Variants in SEL1L3 observed in about 807,000 individuals in gnomAD.
SEL1L3 encodes protein sel-1 homolog 3.
Under a neutral mutation model 142.8 loss-of-function variants are expected in SEL1L3, and 76 were observed. The observed-to-expected ratio is 0.53, with a 90% CI of 0.44 to 0.64. The LOEUF (loss-of-function observed/expected upper bound fraction) is 0.64, where lower values mean the gene tolerates loss of function less well. SEL1L3 is among the 30% of genes least tolerant of loss of function. SEL1L3 has a pLI of 0.00. For missense variants in SEL1L3, 1,262 were observed against 1,381.7 expected (o/e 0.91, Z 1.37); for synonymous variants, 504 against 519.6 (o/e 0.97, Z 0.41).
At position 25,793,256 on chromosome 4, in the gene SEL1L3, C is replaced by T. The variant is rs147541660; in HGVS notation, c.1957-2682G>A. On this transcript the variant is annotated intron_variant, in intron 11 of 23. Transcript: ENST00000399878. ...AAGTACTCATGTATCTGGGTGGTGA[C>T]GTAAATGGTGACTGTGAAGAGGAAA... is the stretch of plus-strand genomic sequence containing the variant. Among the ~76,000 whole-genome samples, 1,118 of 152,142 alleles carry T rather than the reference C, an allele frequency of 7.3e-3. 8 individuals carry two copies. Among genetic ancestry groups the T allele is most frequent in the Middle Eastern group, 0.051 (15 of 294 alleles).
chr4:25,763,605 T>C (rs1162694819), intron 20 of SEL1L3, among the ~76,000 whole-genome samples: 1 of 152,118 alleles, frequency 6.6e-6, no homozygotes, highest in Non-Finnish European at 1.5e-5. Context: ...CCCAGCACCT[T>C]GGGAGGCCAA....
At chr4:25,752,980 T>C (rs762966160) in intron 23 of SEL1L3, among the ~76,000 whole-genome samples, 2 of 152,236 alleles carry the variant, frequency 1.3e-5, no homozygotes, top group South Asian at 2.1e-4. Context: ...CAACAGGCAG[T>C]GGATGTACTA....
chr4:25,788,642 G>A lies in SEL1L3; in HGVS notation c.2077-278C>T, dbSNP rs953453559. Among the ~76,000 whole-genome samples, 1 of 150,974 alleles carries A rather than the reference G, an allele frequency of 6.6e-6. No individual in the cohort carries two copies. Among genetic ancestry groups the A allele is most frequent in the East Asian group, 2.0e-4 (1 of 5,110 alleles). On this transcript the variant is annotated intron_variant, in intron 12 of 23. Coordinates refer to ENST00000399878, the MANE Select transcript of SEL1L3 (RefSeq NM_015187.5). This position sits in a 1 kb window ranked among gnomAD's most constrained non-coding sequence, Gnocchi z 5.3. The stretch of plus-strand genomic sequence containing the variant: ...TGTGTATCTACTGTACCCAGGACCA[G>A]GGCTAGCTGGAACTTCGTCAATAAT...
chr4:25,801,772 G>A (rs1713197628), intron 11 of SEL1L3, among the ~76,000 whole-genome samples: 2 of 152,134 alleles, frequency 1.3e-5, no homozygotes, highest in Admixed American at 1.3e-4. Context: ...CAAGGCTCAT[G>A]GCATGGGGAC....
intron 11 of SEL1L3, among the ~76,000 whole-genome samples, chr4:25,797,893 G>A (rs559907446): frequency 3.3e-4 from 50 of 152,336 alleles, no homozygotes; most frequent in African/African-American, 1.1e-3. Flanking sequence ...AGCAATGGGA[G>A]AGATGTGCCT....
chr4:25,763,996 A>C (rs28705207), intron 20 of SEL1L3, among the ~76,000 whole-genome samples: 1 of 152,226 alleles, frequency 6.6e-6, no homozygotes, highest in Non-Finnish European at 1.5e-5. Context: ...CATGAAAATG[A>C]TTCTGAGGTT....
In SEL1L3 at chr4:25,757,547, GA is replaced by G; in HGVS notation, c.3245del (p.Phe1082SerfsTer29). ...ATAAATCTTTACCTGAGACAGACTG[GA>G]AATACTGCACAGTCCAGGCGATCAA... ...SILIAWTVQY[F>X]QSVSASDPPP... On this transcript the variant is annotated frameshift_variant, in exon 23 of 24. Transcript: ENST00000399878. LOFTEE classifies it low-confidence loss of function (END_TRUNC). 2 of 1,545,534 alleles carry G rather than the reference GA, an allele frequency of 1.3e-6. No homozygotes were observed. Among genetic ancestry groups the G allele is most frequent in the African/African-American group, 1.4e-5 (1 of 71,536 alleles).
intron 1 of SEL1L3, among the ~76,000 whole-genome samples, chr4:25,848,130 A>G (rs906263978): frequency 2.0e-4 from 30 of 152,236 alleles, no homozygotes; most frequent in Admixed American, 1.7e-3. Context: ...TCACATCTAC[A>G]TGGCAATAAT....
the SEL1L3 span, among the ~76,000 whole-genome samples, chr4:25,729,574 C>T: frequency 0.014 from 2,149 of 152,168 alleles, 54 homozygotes; most frequent in African/African-American, 0.049. Context: ...ATTAGCTGGG[C>T]GTGGTGGCAC....
chr4:25,828,199 T>G (rs1197156420), intron 6 of SEL1L3, among the ~76,000 whole-genome samples: 1 of 152,234 alleles, frequency 6.6e-6, no homozygotes, highest in Non-Finnish European at 1.5e-5. Context: ...AGCCTTTCTA[T>G]AAAACTCTAA....
intron 3 of SEL1L3, among the ~76,000 whole-genome samples, chr4:25,834,752 C>G (rs986331238): frequency 6.6e-6 from 1 of 152,184 alleles, no homozygotes; most frequent in Non-Finnish European, 1.5e-5. Context: ...CCATTTTCAG[C>G]ATCTTCAATT....
intron 6 of SEL1L3, among the ~76,000 whole-genome samples, chr4:25,829,369 C>T (rs1337003670): frequency 2.0e-5 from 3 of 152,178 alleles, no homozygotes. Context: ...ATCATTAGTA[C>T]AAAATGCATT....
At chr4:25,842,917 G>A (rs1311147058) in intron 2 of SEL1L3, among the ~76,000 whole-genome samples, 1 of 152,228 alleles carries the variant, frequency 6.6e-6, no homozygotes, top group Non-Finnish European at 1.5e-5. Context: ...GACAGGCAGG[G>A]CGGTGGGGGT....
chr4:25,734,697 T>G, the SEL1L3 span, among the ~76,000 whole-genome samples: 1 of 152,036 alleles, frequency 6.6e-6, no homozygotes, highest in Non-Finnish European at 1.5e-5. Flanking sequence ...GCCTCCTCAG[T>G]AGCTGGGATT....
At chr4:25,767,868 G>C (rs2109139945) in intron 17 of SEL1L3, 38 bp from the exon 18 acceptor site, 1 of 1,240,874 alleles carries the variant, frequency 8.1e-7, no homozygotes, top group East Asian at 2.5e-5. Flanking sequence ...TCATATAGTG[G>C]CTCTTACTAA....
At chr4:25,810,273 C>G (rs975130688) in intron 9 of SEL1L3, among the ~76,000 whole-genome samples, 4 of 152,272 alleles carry the variant, frequency 2.6e-5, no homozygotes, top group Admixed American at 6.5e-5. Flanking sequence ...CCAGCTCCCC[C>G]CTCCCCTCTC....
At chr4:25,843,956 CA>C (rs974262561) in intron 2 of SEL1L3, among the ~76,000 whole-genome samples, 2 of 152,232 alleles carry the variant, frequency 1.3e-5, no homozygotes, top group African/African-American at 4.8e-5. Context: ...CGCCCGGGCA[CA>C]GGGACTTTGA....
At chr4:25,762,780 C>G (rs918886867) in intron 20 of SEL1L3, among the ~76,000 whole-genome samples, 2 of 152,048 alleles carry the variant, frequency 1.3e-5, no homozygotes, top group Non-Finnish European at 2.9e-5. Flanking sequence ...GAGATGAAGA[C>G]CATCCTGCCC....
rs745799260 is a variant in SEL1L3, at chr4:25,790,610, AGAAG to A, written c.1957-40_1957-37del. The A allele has an allele frequency of 7.2e-4, 577 of 798,536 alleles. 6 individuals are homozygous for A. In the African/African-American group the frequency reaches 9.7e-3, roughly 13 times the overall value. The allele number at this position is 798,536 out of a possible 1,614,324, so 49.5% of individuals were successfully genotyped here. A position where few individuals can be genotyped will look rare whatever the true frequency, so the allele number is the denominator to read the frequency against. On this transcript the variant is annotated intron_variant, in intron 11 of 23. Transcript: ENST00000399878. ...AGGAGGGAAAGAAGGAAGGAGGGAAAGAAGGAAGGAAGGAAGGAAGGAAGGAAGG... is the reference window on the plus strand; with the variant it reads ...AGGAGGGAAAGAAGGAAGGAGGGAAAGAAGGAAGGAAGGAAGGAAGGAAGG...
Sources: gnomAD v4.1 joint callset for allele counts (sites outside exome capture counted in the v4.1 genomes callset) on GRCh38, gnomAD v4.1.1 for gene constraint, Gnocchi (gnomAD v3.1) non-coding constraint, MANE v1.5 for transcripts, NCBI Gene and HGNC (gene_info 2026-07-23, HGNC 2026-07-21) for gene names.